Variants in UBE2E2 observed in about 807,000 individuals in gnomAD.
UBE2E2 encodes the protein ubiquitin conjugating enzyme E2 E2.
Under a neutral mutation model 24.7 loss-of-function variants are expected in UBE2E2, and 6 were observed. That is an observed-to-expected ratio of 0.24 (90% CI 0.13 to 0.48). The LOEUF is 0.48. Among genes scored for constraint, UBE2E2 ranks in the 20% least tolerant of loss-of-function variants. The probability of loss-of-function intolerance (pLI) is 0.99; values close to 1 mark genes in which losing one functional copy is unlikely to be tolerated. For synonymous variants in UBE2E2, 104 were observed against 83.6 expected (o/e 1.24, Z -1.33); for missense variants, 169 against 245.0 (o/e 0.69, Z 2.07).
intron 5 of UBE2E2, among the ~76,000 whole-genome samples, chr3:23,553,497 A>G (rs184164472): frequency 3.3e-5 from 5 of 152,282 alleles, no homozygotes; most frequent in Admixed American, 1.3e-4. Context: ...TAATAAACTG[A>G]CATTGCTCTT....
At chr3:23,410,606 C>T (rs866684176) in intron 3 of UBE2E2, among the ~76,000 whole-genome samples, 3 of 151,734 alleles carry the variant, frequency 2.0e-5, no homozygotes, top group South Asian at 2.1e-4. Context: ...ATTTTATTCC[C>T]GAAATAACCC....
intron 3 of UBE2E2, among the ~76,000 whole-genome samples, chr3:23,293,209 G>A (rs900085206): frequency 2.0e-5 from 3 of 152,220 alleles, no homozygotes; most frequent in Middle Eastern, 3.2e-3. Context: ...TGTGTGGACA[G>A]CAACAGATTA....
chr3:23,521,204 C>T (rs968479503), intron 4 of UBE2E2, among the ~76,000 whole-genome samples: 11 of 152,046 alleles, frequency 7.2e-5, no homozygotes, highest in Admixed American at 4.6e-4. Flanking sequence ...AAATATGCTG[C>T]GTCTTACAGA....
intron 3 of UBE2E2, among the ~76,000 whole-genome samples, chr3:23,494,874 G>A (rs1366815901): frequency 1.3e-5 from 2 of 151,988 alleles, no homozygotes; most frequent in Non-Finnish European, 2.9e-5. Flanking sequence ...TCCTGGGATA[G>A]GAGTATTTCA....
At chr3:23,244,647 G>C (rs1482701420) in intron 3 of UBE2E2, among the ~76,000 whole-genome samples, 2 of 152,178 alleles carry the variant, frequency 1.3e-5, no homozygotes, top group East Asian at 3.9e-4. Flanking sequence ...TTTATTGGGT[G>C]GTTCTTGAAT....
intron 4 of UBE2E2, among the ~76,000 whole-genome samples, chr3:23,531,487 CTTAA>C (rs888254867): frequency 2.6e-5 from 4 of 152,034 alleles, no homozygotes; most frequent in Non-Finnish European, 5.9e-5. Flanking sequence ...CTGATTTGCA[CTTAA>C]TTATTTTCAG....
At position 23,532,088 on chromosome 3, in the gene UBE2E2, T is replaced by A. The variant is rs62255816; in HGVS notation, c.361-466T>A. On this transcript the variant is annotated intron_variant, in intron 4 of 5. Coordinates refer to ENST00000396703, the MANE Select transcript of UBE2E2 (RefSeq NM_152653.4). ...AAAAAAAAAAAAAAGAAAAAAAAACTGTTATAGAATAATATTTATTTTCTT... is the reference window on the plus strand; with the variant it reads ...AAAAAAAAAAAAAAGAAAAAAAAACAGTTATAGAATAATATTTATTTTCTT... Among the ~76,000 whole-genome samples, 864 of 150,816 alleles carry A rather than the reference T, an allele frequency of 5.7e-3. 10 individuals carry two copies. The highest frequency in any genetic ancestry group is 9.4e-3 in the Non-Finnish European group (639 of 67,724).
chr3:23,423,596 T>C (rs980600504), intron 3 of UBE2E2, among the ~76,000 whole-genome samples: 2 of 152,200 alleles, frequency 1.3e-5, no homozygotes, highest in Non-Finnish European at 2.9e-5. Context: ...TTAATTACTT[T>C]ATAACACACT....
At chr3:23,273,096 T>A (rs901094316) in intron 3 of UBE2E2, among the ~76,000 whole-genome samples, 5 of 152,214 alleles carry the variant, frequency 3.3e-5, no homozygotes, top group African/African-American at 1.2e-4. Context: ...TTTGACCAAA[T>A]GTCTGGACAC....
intron 3 of UBE2E2, among the ~76,000 whole-genome samples, chr3:23,235,254 G>C (rs1697074156): frequency 6.6e-6 from 1 of 152,144 alleles, no homozygotes; most frequent in Admixed American, 6.6e-5. Context: ...TTTAGTGTGG[G>C]GTTCTAGTTT....
rs1247929078 is a variant in UBE2E2 at position 23,446,177 on chromosome 3, CT to C, written c.228-53430del. ...ATGGATCAAAACGGTGTTAAAAGTA[CT>C]GCATATAAATATACAGCCTCCAGGA... is the stretch of plus-strand genomic sequence containing the variant. On this transcript the variant is annotated intron_variant, in intron 3 of 5. Coordinates refer to ENST00000396703, the MANE Select transcript of UBE2E2 (RefSeq NM_152653.4). 4.6e-5 allele frequency among the ~76,000 whole-genome samples: 7 copies of C among 152,282 alleles called. No homozygotes were observed. The South Asian group carries it at 1.5e-3, about 32-fold the overall frequency.
intron 4 of UBE2E2, among the ~76,000 whole-genome samples, chr3:23,530,457 G>A (rs903449881): frequency 6.6e-6 from 1 of 152,118 alleles, no homozygotes; most frequent in Non-Finnish European, 1.5e-5. Context: ...CTGTTTTCTT[G>A]ATGAGTTGTT....
At chr3:23,305,989 T>C (rs1699226621) in intron 3 of UBE2E2, among the ~76,000 whole-genome samples, 2 of 152,314 alleles carry the variant, frequency 1.3e-5, no homozygotes, top group East Asian at 1.9e-4. Context: ...TTATTCTCAA[T>C]TTTATTATTT....
intron 3 of UBE2E2, among the ~76,000 whole-genome samples, chr3:23,360,201 T>G (rs1162155180): frequency 6.6e-6 from 1 of 152,202 alleles, no homozygotes; most frequent in Admixed American, 6.5e-5. Context: ...TTCCAAAGTA[T>G]TCCCATAGTC....
At chr3:23,266,032 A>G (rs1698038277) in intron 3 of UBE2E2, among the ~76,000 whole-genome samples, 1 of 152,116 alleles carries the variant, frequency 6.6e-6, no homozygotes, top group Non-Finnish European at 1.5e-5. Flanking sequence ...TTTTGAGCCT[A>G]TGTGTGTGTC....
At chr3:23,271,552 G>GGAGAGCTGATTGGTCCACTTTACA (rs1698243348) in intron 3 of UBE2E2, among the ~76,000 whole-genome samples, 1 of 152,132 alleles carries the variant, frequency 6.6e-6, no homozygotes, top group Non-Finnish European at 1.5e-5. Context: ...CCCATTTTAT[G>GGAGAGCTGATTGGTCCACTTTACA]GAGAGCTGAT....
intron 3 of UBE2E2, among the ~76,000 whole-genome samples, chr3:23,438,653 T>C (rs778496): frequency 0.59 from 89,090 of 152,022 alleles, 26,489 homozygotes; most frequent in East Asian, 0.74. Context: ...AAAGTATTAA[T>C]ATTTTTCCTT....
intron 2 of UBE2E2, among the ~76,000 whole-genome samples, chr3:23,211,352 A>G (rs1317332329): frequency 6.6e-6 from 1 of 151,930 alleles, no homozygotes; most frequent in Non-Finnish European, 1.5e-5. Flanking sequence ...AACTCTAGAG[A>G]CAGCATCTAC....
chr3:23,567,100 C>T (rs1198769995), intron 5 of UBE2E2, among the ~76,000 whole-genome samples: 1 of 152,184 alleles, frequency 6.6e-6, no homozygotes, highest in Non-Finnish European at 1.5e-5. Flanking sequence ...TTCATGTACC[C>T]AGTGGGTTAA....
Sources: gnomAD v4.1 joint callset for allele counts (sites outside exome capture counted in the v4.1 genomes callset) on GRCh38, gnomAD v4.1.1 for gene constraint, MANE v1.5 for transcripts, NCBI Gene and HGNC (gene_info 2026-07-23, HGNC 2026-07-21) for gene names.